The following MAL2 variants were observed in gnomAD, a reference collection of about 807,000 sequenced individuals.
MAL2 encodes the protein mal, T cell differentiation protein 2, also known as protein MAL2.
A neutral mutation model predicts 18.1 loss-of-function variants in MAL2; 17 were observed. That is an observed-to-expected ratio of 0.94 (90% confidence interval 0.64 to 1.41). MAL2 has a LOEUF of 1.41. Among genes scored for constraint, MAL2 ranks in the 40% most tolerant of loss-of-function variants. The probability of loss-of-function intolerance (pLI) is 0.00; values close to 1 mark genes in which losing one functional copy is unlikely to be tolerated. For synonymous variants in MAL2, 102 were observed against 102.3 expected, an observed-to-expected ratio of 1.00 and a Z score of 0.02; for missense variants, 222 against 231.9, an observed-to-expected ratio of 0.96 and a Z score of 0.28.
rs1818016612 is a variant in MAL2, at chr8:119,240,160, T to G, written c.304-5T>G. On this transcript the variant is annotated splice_polypyrimidine_tract_variant and splice_region_variant and intron_variant, in intron 2 of 3. Transcript: ENST00000614891. ...ATTGCAGATGTCTTTTCTCTCCTCT[T>G]TTAGGATTTTGCCTACCATTTTACA... The G allele has an allele frequency of 6.2e-7, 1 of 1,612,838 alleles. No homozygotes were observed.
chr8:119,235,272 C>T (rs1398993485), intron 2 of MAL2, among the ~76,000 whole-genome samples: 2 of 152,050 alleles, frequency 1.3e-5, no homozygotes, highest in Non-Finnish European at 2.9e-5. Flanking sequence ...AAGAAATGAG[C>T]AAAGCCTCCA....
At chr8:119,223,038 T>G (rs1817502479) in intron 2 of MAL2, among the ~76,000 whole-genome samples, 1 of 152,156 alleles carries the variant, frequency 6.6e-6, no homozygotes, top group Admixed American at 6.5e-5. Context: ...CATACTTTGG[T>G]GTTTAGAAGC....
intron 1 of MAL2, among the ~76,000 whole-genome samples, chr8:119,212,589 T>C (rs1817283335): frequency 6.6e-6 from 1 of 152,186 alleles, no homozygotes; most frequent in Admixed American, 6.5e-5. Flanking sequence ...AGTGCTAATA[T>C]AGGTTTATAA....
Position 119,226,440 on chromosome 8 carries a change from G to C in MAL2, c.303+4683G>C, listed in dbSNP as rs191789706. On this transcript the variant is annotated intron_variant, in intron 2 of 3. Coordinates refer to ENST00000614891, the MANE Select transcript of MAL2 (RefSeq NM_052886.3). The stretch of plus-strand genomic sequence containing the variant: ...TTTTTTAACTAGTAGATGGAAGTTT[G>C]ACCCTGAAACGAAGAGCAAACATGG... Among the ~76,000 whole-genome samples, 28 of 136,174 alleles carry C rather than the reference G, an allele frequency of 2.1e-4. No individual in the cohort carries two copies. The East Asian group carries it at 5.1e-3, about 25-fold the overall frequency. The allele number at this position is 136,174 out of a possible 152,430, so 89.3% of individuals were successfully genotyped here.
intron 1 of MAL2, among the ~76,000 whole-genome samples, chr8:119,213,217 A>T (rs576689487): frequency 1.3e-5 from 2 of 152,338 alleles, no homozygotes; most frequent in South Asian, 4.1e-4. Context: ...TGCCAGAAAA[A>T]CAAATGTTAA....
At chr8:119,232,824 A>G (rs1454458387) in intron 2 of MAL2, among the ~76,000 whole-genome samples, 2 of 152,164 alleles carry the variant, frequency 1.3e-5, no homozygotes, top group Non-Finnish European at 2.9e-5. Flanking sequence ...ATTGATCTCT[A>G]TGGCATCTTA....
chr8:119,238,744 T>G (rs989303009), intron 2 of MAL2, among the ~76,000 whole-genome samples: 9 of 150,426 alleles, frequency 6.0e-5, no homozygotes, highest in East Asian at 5.8e-4. Flanking sequence ...TGAAACTGGA[T>G]CCCTTCCTTA....
chr8:119,236,070 A>G (rs1421447000), intron 2 of MAL2, among the ~76,000 whole-genome samples: 1 of 39,856 alleles, frequency 2.5e-5, no homozygotes, highest in Non-Finnish European at 5.1e-5. Flanking sequence ...AGAGACACAC[A>G]TAGGCTCAAA....
At chr8:119,218,981 A>C (rs1817411232) in intron 1 of MAL2, among the ~76,000 whole-genome samples, 2 of 152,242 alleles carry the variant, frequency 1.3e-5, no homozygotes, top group African/African-American at 2.4e-5. Flanking sequence ...CAGAAAGAAG[A>C]AAGTGGAAAA....
rs769663924 is a variant in MAL2 at position 119,225,058 on chromosome 8, CT to C, written c.303+3311del. 3.2e-3 allele frequency among the ~76,000 whole-genome samples: 481 copies of C among 148,070 alleles called. 2 individuals are homozygous for C. Among genetic ancestry groups the C allele is most frequent in the African/African-American group, 0.011 (435 of 40,562 alleles). Reference sequence around the variant, plus strand: ...GAGGATCCCCCTATAGACGATGCAGCTTTTTTTTTTAAGATTAACTTTGTAG... The same window carrying C: ...GAGGATCCCCCTATAGACGATGCAGCTTTTTTTTTAAGATTAACTTTGTAG... On this transcript the variant is annotated intron_variant, in intron 2 of 3. Coordinates refer to ENST00000614891, the MANE Select transcript of MAL2 (RefSeq NM_052886.3).
chr8:119,230,157 T>C (rs1422128671), intron 2 of MAL2, among the ~76,000 whole-genome samples: 5 of 152,166 alleles, frequency 3.3e-5, no homozygotes. Flanking sequence ...CCAGTGCAGG[T>C]TACTAGAGGC....
At chr8:119,243,097 T>G (rs780449050) in intron 3 of MAL2, among the ~76,000 whole-genome samples, 1 of 152,204 alleles carries the variant, frequency 6.6e-6, no homozygotes, top group Non-Finnish European at 1.5e-5. Flanking sequence ...AATTTTTAAA[T>G]ACAGTGCTTA....
chr8:119,217,008 CA>C (rs745737707), intron 1 of MAL2, among the ~76,000 whole-genome samples: 43 of 152,190 alleles, frequency 2.8e-4, no homozygotes, highest in Non-Finnish European at 5.3e-4. Context: ...ACCGTCCAAA[CA>C]GGAGATGAGT....
At position 119,208,440 on chromosome 8, in the gene MAL2, G is replaced by GGC. The variant is rs956867554; in HGVS notation, c.-27_-26dup. On this transcript the variant is annotated 5_prime_UTR_variant, in exon 1 of 4. Coordinates refer to ENST00000614891, the MANE Select transcript of MAL2 (RefSeq NM_052886.3). The surrounding 1 kb of genome is among the most constrained non-coding windows in gnomAD (Gnocchi z 4.3). ...GGAGGCGGAGGCGGGAGGCGGCGGCGGCGCGCGGAGACGCAGCAGCGGCAG... is the reference window on the plus strand; with the variant it reads ...GGAGGCGGAGGCGGGAGGCGGCGGCGGCGCGCGCGGAGACGCAGCAGCGGCAG... 1.3e-4 allele frequency: 155 copies of GGC among 1,152,344 alleles called. No individual in the cohort carries two copies. The highest frequency in any genetic ancestry group is 7.1e-4 in the Middle Eastern group (2 of 2,826). 71.4% of individuals were successfully genotyped at this position (1,152,344 alleles called of 1,614,324 possible).
chr8:119,218,833 C>A (rs958582089), intron 1 of MAL2, among the ~76,000 whole-genome samples: 2 of 152,114 alleles, frequency 1.3e-5, no homozygotes, highest in Non-Finnish European at 2.9e-5. Context: ...CAAACAGTGG[C>A]CAATTGCTTT....
At chr8:119,234,733 C>T (rs1386328260) in intron 2 of MAL2, among the ~76,000 whole-genome samples, 1 of 151,682 alleles carries the variant, frequency 6.6e-6, no homozygotes, top group African/African-American at 2.4e-5. Flanking sequence ...TTCCAACAGA[C>T]CTGCAGCTGA....
intron 2 of MAL2, among the ~76,000 whole-genome samples, chr8:119,236,978 C>A (rs929204477): frequency 6.6e-6 from 1 of 151,196 alleles, no homozygotes; most frequent in Admixed American, 6.6e-5. Context: ...CACAAAAAAC[C>A]CTTCAAAAAA....
chr8:119,227,439 A>G (rs1271220080), intron 2 of MAL2, among the ~76,000 whole-genome samples: 1 of 152,176 alleles, frequency 6.6e-6, no homozygotes, highest in Non-Finnish European at 1.5e-5. Context: ...TCCATACAAA[A>G]CTTCAGAACA....
At chr8:119,214,414 A>G (rs1268264998) in intron 1 of MAL2, among the ~76,000 whole-genome samples, 1 of 152,224 alleles carries the variant, frequency 6.6e-6, no homozygotes, top group Non-Finnish European at 1.5e-5. Flanking sequence ...CATATATAAC[A>G]ATCTCAACTT....
Sources: allele counts gnomAD v4.1 joint callset (sites outside exome capture counted in the v4.1 genomes callset), GRCh38; gene constraint gnomAD v4.1.1; non-coding constraint Gnocchi (gnomAD v3.1); transcripts MANE v1.5; gene names NCBI Gene and HGNC (gene_info 2026-07-23, HGNC 2026-07-21).